RET: variants seen among roughly 807,000 people sequenced by gnomAD.
RET encodes proto-oncogene tyrosine-protein kinase receptor Ret.
A neutral mutation model predicts 118.3 loss-of-function variants in RET; 19 were observed. The ratio of observed to expected loss-of-function variants is 0.16; its 90% confidence interval spans 0.11 to 0.24. The LOEUF is 0.24. Among genes scored for constraint, RET ranks in the 10% least tolerant of loss-of-function variants. The pLI is 1.00. For synonymous variants in RET, 597 were observed against 644.1 expected, an observed-to-expected ratio of 0.93 and a Z score of 1.11; for missense variants, 1,219 against 1,502.1, an observed-to-expected ratio of 0.81 and a Z score of 3.12.
At chr10:43,118,835 T>C (rs534507271) in intron 13 of RET, among the ~76,000 whole-genome samples, 20 of 152,302 alleles carry the variant, frequency 1.3e-4, no homozygotes, top group Non-Finnish European at 2.2e-4. Flanking sequence ...TAGGGTACCC[T>C]GGGTACCACA....
rs369519655 is a variant in RET at position 43,100,466 on chromosome 10, G to A, written c.81G>A (p.Leu27=). 24 of 1,612,410 alleles carry A rather than the reference G, an allele frequency of 1.5e-5. No homozygotes were observed. In the African/African-American group the frequency reaches 3.2e-4, roughly 22 times the overall value. Residue 27 remains leucine, a synonymous_variant, in exon 2 of 20, where the codon TTG becomes TTA. Transcript: ENST00000355710. ...CTTCCCTACTTCCCACAGTGGCATT[G>A]GGCCTCTACTTCTCGAGGGATGCTT... ...LLLPLLGKVA[L]GLYFSRDAYW... is the part of the protein sequence containing the mutation.
At chr10:43,105,439 G>A (rs1837748182) in intron 4 of RET, among the ~76,000 whole-genome samples, 1 of 152,138 alleles carries the variant, frequency 6.6e-6, no homozygotes, top group South Asian at 2.1e-4. Flanking sequence ...CGCGTCTGGG[G>A]CATACTTGTG....
At chr10:43,103,625 AT>A (rs1231208960) in intron 3 of RET, among the ~76,000 whole-genome samples, 7 of 152,288 alleles carry the variant, frequency 4.6e-5, no homozygotes, top group Admixed American at 3.9e-4. Context: ...TGGCAAGAAT[AT>A]TAAAATCTCA....
At chr10:43,101,992 T>G (rs373882660) in intron 2 of RET, among the ~76,000 whole-genome samples, 1 of 146,462 alleles carries the variant, frequency 6.8e-6, no homozygotes, top group East Asian at 2.0e-4. Flanking sequence ...ACTCCAAACC[T>G]CCTGAGGAGG....
rs1409440244 is a variant in RET, at chr10:43,120,299, AT to A, written c.2730+98del. ...GGGAAGCCTAGGAAAGATACCGAAGATTAGTGGAGCTCTAAGCTTTTTATAG... is the reference window on the plus strand; with the variant it reads ...GGGAAGCCTAGGAAAGATACCGAAGATAGTGGAGCTCTAAGCTTTTTATAG... On this transcript the variant is annotated intron_variant, in intron 15 of 19. Transcript: ENST00000355710. The A allele has an allele frequency of 6.6e-6, 10 of 1,526,088 alleles. No individual in the cohort carries two copies. The African/African-American group carries it at 6.8e-5, about 10-fold the overall frequency. The allele number at this position is 1,526,088 out of a possible 1,614,324, so 94.5% of individuals were successfully genotyped here.
chr10:43,113,745 TC>T (rs2132833831), intron 10 of RET, 70 bp downstream of exon 10: 1 of 1,594,202 alleles, frequency 6.3e-7, no homozygotes. Context: ...ACATCTGAGG[TC>T]CCAACAAGGG....
At chr10:43,077,461 G>A (rs1357653266) in intron 1 of RET, 130 bp downstream of exon 1, 2 of 1,223,950 alleles carry the variant, frequency 1.6e-6, no homozygotes, top group African/African-American at 1.6e-5. Context: ...CGGCCACCCG[G>A]CCTCGGCTGG....
chr10:43,128,697 CA>C lies in RET; in HGVS notation c.*434del. On this transcript the variant is annotated 3_prime_UTR_variant, in exon 20 of 20. Coordinates refer to ENST00000355710, the MANE Select transcript of RET (RefSeq NM_020975.6). ...AAAATTTAAACATGAAGCACACACA[CA>C]AAAAAGGCAGTAGGAAAAATGCTGG... 2 of 377,456 alleles carry C rather than the reference CA, an allele frequency of 5.3e-6. No homozygotes were observed. The highest frequency in any genetic ancestry group is 6.2e-5 in the South Asian group (2 of 32,520). The allele number at this position is 377,456 out of a possible 1,614,324, so 23.4% of individuals were successfully genotyped here. A position where few individuals can be genotyped will look rare whatever the true frequency, so the allele number is the denominator to read the frequency against.
chr10:43,103,407 G>A (rs1158650463), intron 3 of RET, among the ~76,000 whole-genome samples: 1 of 152,164 alleles, frequency 6.6e-6, no homozygotes, highest in African/African-American at 2.4e-5. Context: ...ACGGGTGGAA[G>A]CCGAGGCATG....
At position 43,099,513 on chromosome 10, in the gene RET, A is replaced by AAAT. The variant is rs1837588562; in HGVS notation, c.74-944_74-943insTAA. Among the ~76,000 whole-genome samples the AAAT allele has an allele frequency of 4.1e-5, 6 of 146,290 alleles. No individual in the cohort carries two copies. In the East Asian group the frequency reaches 1.2e-3, roughly 29 times the overall value. On this transcript the variant is annotated intron_variant, in intron 1 of 19. Transcript: ENST00000355710. ...GCAACAAGAGCAAAACTCCATCTCA[A>AAAT]AAATAAATAAATAAATAAATAAATA...
At chr10:43,079,748 C>T (rs1376290306) in intron 1 of RET, among the ~76,000 whole-genome samples, 1 of 152,140 alleles carries the variant, frequency 6.6e-6, no homozygotes, top group African/African-American at 2.4e-5. Flanking sequence ...TGGCAGGGCC[C>T]GGATCCAAGC....
chr10:43,099,163 C>T (rs1035108838), intron 1 of RET, among the ~76,000 whole-genome samples: 3 of 152,136 alleles, frequency 2.0e-5, no homozygotes, highest in Non-Finnish European at 4.4e-5. Context: ...AAGGAAGCTA[C>T]GCCTCTGTCC....
intron 1 of RET, among the ~76,000 whole-genome samples, chr10:43,084,038 A>G (rs1837240426): frequency 6.6e-6 from 1 of 152,206 alleles, no homozygotes; most frequent in Non-Finnish European, 1.5e-5. Context: ...TTCACTCAGC[A>G]TAAGGTCTTC....
In RET at chr10:43,112,943, T is replaced by G; in HGVS notation, c.1739T>G (p.Ile580Ser). The G allele has an allele frequency of 6.2e-7, 1 of 1,614,086 alleles. No individual in the cohort carries two copies. Among genetic ancestry groups the G allele is most frequent in the South Asian group, 1.1e-5 (1 of 91,084 alleles). Residue 580 changes from isoleucine to serine, a missense_variant, in exon 9 of 20, where the codon ATT becomes AGT. Transcript: ENST00000355710. Reference sequence around the variant, plus strand: ...GTTGTGGAGACCCAAGACATCAACATTTGCCCTCAGGACTGCCTCCGTAAG... The same window carrying G: ...GTTGTGGAGACCCAAGACATCAACAGTTGCCCTCAGGACTGCCTCCGTAAG... Reference protein sequence around the residue: ...CDVVETQDINICPQDCLRGSI... With the variant: ...CDVVETQDINSCPQDCLRGSI...
intron 1 of RET, among the ~76,000 whole-genome samples, chr10:43,099,755 C>T (rs1305352094): frequency 6.6e-6 from 1 of 152,200 alleles, no homozygotes; most frequent in Non-Finnish European, 1.5e-5. Flanking sequence ...GCCTAACATC[C>T]GTCCAGAATC....
chr10:43,103,409 C>T (rs973183238), intron 3 of RET, among the ~76,000 whole-genome samples: 1 of 151,986 alleles, frequency 6.6e-6, no homozygotes, highest in African/African-American at 2.4e-5. Context: ...GGGTGGAAGC[C>T]GAGGCATGGC....
At chr10:43,108,248 G>A (rs1291509214) in intron 5 of RET, among the ~76,000 whole-genome samples, 1 of 152,100 alleles carries the variant, frequency 6.6e-6, no homozygotes, top group African/African-American at 2.4e-5. Context: ...CAGGAACCTG[G>A]GAGGCTGAGG....
chr10:43,120,931 AAAGAAG>A (rs35130095), intron 15 of RET, among the ~76,000 whole-genome samples: 2 of 149,486 alleles, frequency 1.3e-5, no homozygotes, highest in Admixed American at 6.6e-5. Context: ...CCTGCTCAAA[AAAGAAG>A]AAGAAGAAAA....
At chr10:43,123,629 G>C (rs1436675007) in intron 16 of RET, 42 bp from the exon 17 acceptor site, 6 of 1,613,674 alleles carry the variant, frequency 3.7e-6, no homozygotes, top group Non-Finnish European at 5.1e-6. Context: ...GGCTCTGTGA[G>C]GGCCAGGTGG....
Sources: allele counts gnomAD v4.1 joint callset (sites outside exome capture counted in the v4.1 genomes callset), GRCh38; gene constraint gnomAD v4.1.1; transcripts MANE v1.5; gene names NCBI Gene and HGNC (gene_info 2026-07-23, HGNC 2026-07-21).